The following SYNPO variants were observed in gnomAD, a reference collection of about 807,000 sequenced individuals.
SYNPO encodes the protein synaptopodin.
In SYNPO, 19 loss-of-function variants were observed where a neutral mutation model predicts 49.5. That is an observed-to-expected ratio of 0.38 (90% CI 0.27 to 0.56). The LOEUF (loss-of-function observed/expected upper bound fraction) is 0.56. Ranked by LOEUF, SYNPO falls within the 20% of genes least tolerant of loss-of-function variation. SYNPO has a pLI of 0.68. For synonymous variants in SYNPO, 536 were observed against 548.0 expected (o/e 0.98, Z 0.31); for missense variants, 1,131 against 1,248.3 (o/e 0.91, Z 1.42).
intron 2 of SYNPO, among the ~76,000 whole-genome samples, chr5:150,631,726 GC>G (rs1053203345): frequency 6.6e-6 from 1 of 151,940 alleles, no homozygotes; most frequent in African/African-American, 2.4e-5. Context: ...CCCCATTCAT[GC>G]CCCCCCAGCC....
At chr5:150,631,546 C>T (rs1757537544) in intron 2 of SYNPO, among the ~76,000 whole-genome samples, 5 of 152,130 alleles carry the variant, frequency 3.3e-5, no homozygotes, top group Non-Finnish European at 4.4e-5. Flanking sequence ...GGAGCTGCAG[C>T]GCAGGGGTCA....
chr5:150,641,272 C>G (rs1293898894), intron 1 of SYNPO, among the ~76,000 whole-genome samples: 1 of 152,240 alleles, frequency 6.6e-6, no homozygotes, highest in Non-Finnish European at 1.5e-5. Flanking sequence ...CTGCCCCCAG[C>G]TGAGCCAGAG....
At chr5:150,619,697 A>T (rs986755460) in intron 2 of SYNPO, among the ~76,000 whole-genome samples, 1 of 152,184 alleles carries the variant, frequency 6.6e-6, no homozygotes, top group East Asian at 1.9e-4. Flanking sequence ...CGGGGGACAC[A>T]GTCCCGGGAG....
At chr5:150,628,318 C>G (rs1180202353) in intron 2 of SYNPO, among the ~76,000 whole-genome samples, 1 of 152,178 alleles carries the variant, frequency 6.6e-6, no homozygotes, top group Admixed American at 6.5e-5. Context: ...CTACCCTGTC[C>G]AGCCTCCCAG....
At chr5:150,587,292 G>A in the SYNPO span, among the ~76,000 whole-genome samples, 7 of 152,026 alleles carry the variant, frequency 4.6e-5, no homozygotes, top group East Asian at 1.4e-3. Context: ...AGATGAATAT[G>A]TGGATGATGC....
chr5:150,616,609 C>T (rs770682868), intron 1 of SYNPO, among the ~76,000 whole-genome samples: 6 of 152,166 alleles, frequency 3.9e-5, no homozygotes, highest in Admixed American at 6.5e-5. Context: ...TATGTGGAAC[C>T]GCCCACTGCT....
chr5:150,599,485 G>A (rs1394738384), upstream of SYNPO, among the ~76,000 whole-genome samples: 1 of 152,180 alleles, frequency 6.6e-6, no homozygotes, highest in African/African-American at 2.4e-5. Flanking sequence ...TGAGCCCCAG[G>A]AGGGTGACCC....
chr5:150,619,671 G>C (rs1052948663), intron 2 of SYNPO, among the ~76,000 whole-genome samples: 3 of 152,202 alleles, frequency 2.0e-5, no homozygotes, highest in African/African-American at 4.8e-5. Flanking sequence ...AGTAGATCCC[G>C]GGGGTGCAGG....
At chr5:150,640,126 T>C (rs372440297), upstream of SYNPO, 719 of 985,408 alleles carry the variant, frequency 7.3e-4, 7 homozygotes, top group South Asian at 0.03. Context: ...TCCTGCTACC[T>C]GGCATGTGGT....
intron 2 of SYNPO, among the ~76,000 whole-genome samples, chr5:150,634,285 G>A (rs1757636660): frequency 6.6e-6 from 1 of 152,202 alleles, no homozygotes; most frequent in African/African-American, 2.4e-5. Context: ...CCAGAGAGGG[G>A]AAGGAACTTG....
intron 2 of SYNPO, among the ~76,000 whole-genome samples, chr5:150,625,936 G>A (rs553319532): frequency 1.3e-5 from 2 of 152,366 alleles, no homozygotes; most frequent in East Asian, 3.9e-4. Flanking sequence ...CAAGACCCTT[G>A]CTCTCTTGGC....
chr5:150,626,491 C>G (rs1420097640), intron 2 of SYNPO, among the ~76,000 whole-genome samples: 1 of 152,194 alleles, frequency 6.6e-6, no homozygotes, highest in African/African-American at 2.4e-5. Flanking sequence ...CAGGCCTGCC[C>G]CGTCTTTGCA....
chr5:150,657,180 C>T lies in SYNPO; in HGVS notation c.*93C>T, dbSNP rs1758605151. ...AAAGGGTCTGGCCTCTTTGGGCAGC[C>T]CCAGAGATGAGGGGTCAGCAGAGGA... On this transcript the variant is annotated 3_prime_UTR_variant, in exon 3 of 3. Coordinates refer to ENST00000307662, the MANE Select transcript of SYNPO (RefSeq NM_007286.6). The T allele has an allele frequency of 4.4e-6, 6 of 1,369,602 alleles. No individual in the cohort carries two copies. The Admixed American group carries it at 1.1e-4, about 26-fold the overall frequency. 84.8% of individuals were successfully genotyped at this position (1,369,602 alleles called of 1,614,324 possible).
At chr5:150,646,165 A>G (rs1301452697) in intron 1 of SYNPO, among the ~76,000 whole-genome samples, 1 of 119,864 alleles carries the variant, frequency 8.3e-6, no homozygotes, top group Non-Finnish European at 1.6e-5. Context: ...CCCCTTCTCT[A>G]CAAAAAATAC....
chr5:150,592,124 C>T, the SYNPO span, among the ~76,000 whole-genome samples: 1 of 152,006 alleles, frequency 6.6e-6, no homozygotes, highest in Non-Finnish European at 1.5e-5. Flanking sequence ...GAGATTGCTC[C>T]ATTGCACTCC....
the SYNPO span, among the ~76,000 whole-genome samples, chr5:150,589,552 A>C: frequency 6.6e-6 from 1 of 152,222 alleles, no homozygotes. Flanking sequence ...ACCTTTGAGC[A>C]TGTGGGCTGG....
At position 150,650,244 on chromosome 5, in the gene SYNPO, C is replaced by A; in HGVS notation, c.1969C>A (p.Arg657=). The A allele has an allele frequency of 1.9e-6, 3 of 1,613,988 alleles. No individual in the cohort carries two copies. Among genetic ancestry groups the A allele is most frequent in the Non-Finnish European group, 2.5e-6 (3 of 1,180,028 alleles). ...PVSPSRAWSP[R]AKQAPRPSFS... is the part of the protein sequence containing the mutation. ...GTCTCCCTCCAGGGCGTGGTCTCCC[C>A]GAGCCAAGCAGGCCCCCAGGCCCTC... The change falls in exon 2 of 3, where the codon CGA becomes AGA. Residue 657 remains arginine (R), a synonymous_variant. Coordinates refer to ENST00000307662, the MANE Select transcript of SYNPO (RefSeq NM_007286.6).
At chr5:150,651,306 C>CA (rs774035915) in intron 2 of SYNPO, 172 of 1,000,848 alleles carry the variant, frequency 1.7e-4, no homozygotes, top group Admixed American at 1.2e-4. Context: ...GGTCCCATGT[C>CA]ACCTTCTCAT....
rs1369112603 is a variant in SYNPO, at chr5:150,657,789, A to G, written c.*702A>G. On this transcript the variant is annotated 3_prime_UTR_variant, in exon 3 of 3. Coordinates refer to ENST00000307662, the MANE Select transcript of SYNPO (RefSeq NM_007286.6). ...GTGTCCCACTATCCCCTCTGGAGGG[A>G]AGAGGCAGGAAAATTCTCCCCGGGT... The G allele has an allele frequency of 1.3e-5, 2 of 152,548 alleles. No individual in the cohort carries two copies. Among genetic ancestry groups the G allele is most frequent in the Non-Finnish European group, 2.9e-5 (2 of 68,220 alleles). 9.4% of individuals were successfully genotyped at this position (152,548 alleles called of 1,614,324 possible).
Sources: allele counts gnomAD v4.1 joint callset (sites outside exome capture counted in the v4.1 genomes callset), GRCh38; gene constraint gnomAD v4.1.1; transcripts MANE v1.5; gene names NCBI Gene and HGNC (gene_info 2026-07-23, HGNC 2026-07-21).